CENPM: variants seen among roughly 807,000 people sequenced by gnomAD.
The protein encoded by CENPM is centromere protein M.
Under a neutral mutation model 19.6 loss-of-function variants are expected in CENPM, and 14 were observed. The observed-to-expected ratio is 0.71, with a 90% CI of 0.47 to 1.11. The LOEUF (loss-of-function observed/expected upper bound fraction) is 1.11. Among genes scored for constraint, CENPM ranks in the 50% most tolerant of loss-of-function variants. The probability of loss-of-function intolerance (pLI) is 0.00; values close to 1 mark genes in which losing one functional copy is unlikely to be tolerated. For missense variants in CENPM, 239 were observed against 228.4 expected (o/e 1.05, Z -0.30); for synonymous variants, 114 against 101.5 (o/e 1.12, Z -0.74).
chr22:41,932,649 T>C, the CENPM span, among the ~76,000 whole-genome samples: 1 of 152,162 alleles, frequency 6.6e-6, no homozygotes, highest in East Asian at 1.9e-4. This position sits in a 1 kb window ranked among gnomAD's most constrained non-coding sequence, Gnocchi z 4.3. Context: ...GGGCCCTCCA[T>C]GTGAGACTAG....
intron 1 of CENPM, 29 bp downstream of exon 1, chr22:41,946,991 G>A: frequency 6.2e-7 from 1 of 1,611,118 alleles, no homozygotes; most frequent in Non-Finnish European, 8.5e-7. Context: ...GGAAAAACCG[G>A]CGGGGGAAGC....
intron 5 of CENPM, 92 bp downstream of exon 5, chr22:41,943,518 T>C: frequency 8.9e-7 from 1 of 1,123,606 alleles, no homozygotes; most frequent in South Asian, 1.5e-5. Flanking sequence ...TACTAAGTCC[T>C]TCGATAAGCA....
At chr22:41,945,028 C>T in intron 4 of CENPM, 197 bp downstream of exon 4, 1 of 1,390,614 alleles carries the variant, frequency 7.2e-7, no homozygotes, top group Non-Finnish European at 9.5e-7. Flanking sequence ...TCATTGTCAC[C>T]CAGGTATTAA....
intron 3 of CENPM, 115 bp from the exon 4 acceptor site, chr22:41,945,419 C>T: frequency 1.4e-6 from 2 of 1,460,780 alleles, no homozygotes; most frequent in Admixed American, 2.6e-5. Context: ...AAGAGGGTGA[C>T]TTTCTCTGGA....
Position 41,938,758 on chromosome 22 carries a change from C to T in CENPM, c.*298G>A. ...CCAGTGATTTTTAAACTTTTTTTAG[C>T]CACAGACCTTTTGTTCAAAGGAAAC... On this transcript the variant is annotated 3_prime_UTR_variant, in exon 6 of 6. Transcript: ENST00000215980. 1 of 336,322 alleles carries T rather than the reference C, an allele frequency of 3.0e-6. No individual in the cohort carries two copies. Among genetic ancestry groups the T allele is most frequent in the African/African-American group, 2.1e-5 (1 of 47,612 alleles). The allele number at this position is 336,322 out of a possible 1,614,324, so 20.8% of individuals were successfully genotyped here.
At chr22:41,939,303 G>A in intron 5 of CENPM, 107 bp from the exon 6 acceptor site, 1 of 1,364,326 alleles carries the variant, frequency 7.3e-7, no homozygotes, top group Admixed American at 2.3e-5. Context: ...GATACTTGGG[G>A]GTAGCTCAGG....
At chr22:41,945,450 T>C in intron 3 of CENPM, 146 bp from the exon 4 acceptor site, 1 of 1,126,234 alleles carries the variant, frequency 8.9e-7, no homozygotes, top group Non-Finnish European at 1.2e-6. Context: ...TCCTTTAATT[T>C]TTTTTTTTTT....
chr22:41,933,911 C>A (rs990501507), downstream of CENPM, among the ~76,000 whole-genome samples: 2 of 152,214 alleles, frequency 1.3e-5, no homozygotes, highest in Non-Finnish European at 2.9e-5. Flanking sequence ...AGCCTGCCAG[C>A]CCGTACCGAG....
chr22:41,939,092 C>T lies in CENPM; in HGVS notation c.507G>A (p.Leu169=). The change falls in exon 6 of 6, where the codon CTG becomes CTA. Residue 169 remains leucine, a synonymous_variant. Coordinates refer to ENST00000215980, the MANE Select transcript of CENPM (RefSeq NM_024053.5). ...CCAGGGAGGGGCCCTCAGAGCTTCT[C>T]AGCAGGGACAGCAGGTTCAGAGCTG... The part of the protein sequence containing the change: ...GVSALNLLSL[L]RSSEGPSLED... The T allele has an allele frequency of 1.9e-6, 3 of 1,613,042 alleles. No individual in the cohort carries two copies. Among genetic ancestry groups the T allele is most frequent in the South Asian group, 1.1e-5 (1 of 91,072 alleles).
chr22:41,927,495 G>A, the CENPM span, among the ~76,000 whole-genome samples: 1 of 151,584 alleles, frequency 6.6e-6, no homozygotes, highest in South Asian at 2.1e-4. Flanking sequence ...AGAGCTGGTT[G>A]GGGATATCAG....
chr22:41,935,807 G>C (rs2146596923), downstream of CENPM, among the ~76,000 whole-genome samples: 1 of 152,240 alleles, frequency 6.6e-6, no homozygotes, highest in Middle Eastern at 3.4e-3. Flanking sequence ...GCTGCTTTCT[G>C]GAGCACACGG....
At chr22:41,939,776 A>AAAAAAGAAAGAAAAAGAAAG (rs1219194467) in intron 5 of CENPM, among the ~76,000 whole-genome samples, 6 of 17,986 alleles carry the variant, frequency 3.3e-4, no homozygotes, top group South Asian at 2.0e-3. Flanking sequence ...TGTCTGTCTC[A>AAAAAAGAAAGAAAAAGAAAG]AAAAAGAAAG....
intron 5 of CENPM, among the ~76,000 whole-genome samples, chr22:41,941,897 A>G (rs1230131898): frequency 1.3e-5 from 2 of 152,338 alleles, no homozygotes; most frequent in East Asian, 3.9e-4. Context: ...GACAGTGATG[A>G]GACCTGCCCA....
intron 4 of CENPM, chr22:41,944,538 C>T (rs925281547): frequency 3.4e-5 from 18 of 530,096 alleles, no homozygotes; most frequent in Non-Finnish European, 4.1e-5. Context: ...GCAACTTAAC[C>T]TCATGACTGT....
intron 5 of CENPM, among the ~76,000 whole-genome samples, chr22:41,942,219 G>A (rs1165615272): frequency 6.6e-6 from 1 of 152,248 alleles, no homozygotes; most frequent in Non-Finnish European, 1.5e-5. Flanking sequence ...GTGTGGCAGT[G>A]CGGGCCCTGG....
chr22:41,945,804 C>A (rs1160419508), intron 3 of CENPM, 109 bp downstream of exon 3: 1 of 825,750 alleles, frequency 1.2e-6, no homozygotes, highest in Non-Finnish European at 1.9e-6. Flanking sequence ...TTGACCTCAG[C>A]CAGCCTCTCC....
chr22:41,945,070 T>A, intron 4 of CENPM, 155 bp downstream of exon 4: 1 of 1,504,958 alleles, frequency 6.6e-7, no homozygotes, highest in Non-Finnish European at 8.9e-7. Context: ...TTTCCAGATC[T>A]TCTCCTTCTT....
Position 41,939,036 on chromosome 22 carries a change from A to T in CENPM, c.*20T>A. On this transcript the variant is annotated 3_prime_UTR_variant, in exon 6 of 6. Coordinates refer to ENST00000215980, the MANE Select transcript of CENPM (RefSeq NM_024053.5). ...TCAGCACGAAGCCATGAGAAGGGGC[A>T]GCCCAGGGGCCAGCCACCCTCACAG... 1 of 1,611,662 alleles carries T rather than the reference A, an allele frequency of 6.2e-7. No homozygotes were observed. The highest frequency in any genetic ancestry group is 8.5e-7 in the Non-Finnish European group (1 of 1,179,262).
At chr22:41,938,556 G>A (rs542030244), downstream of CENPM, among the ~76,000 whole-genome samples, 1 of 151,940 alleles carries the variant, frequency 6.6e-6, no homozygotes, top group Non-Finnish European at 1.5e-5. Context: ...GTAGAGACAG[G>A]GATACACCAT....
Sources: allele counts gnomAD v4.1 joint callset (sites outside exome capture counted in the v4.1 genomes callset), GRCh38; gene constraint gnomAD v4.1.1; non-coding constraint Gnocchi (gnomAD v3.1); transcripts MANE v1.5; gene names NCBI Gene and HGNC (gene_info 2026-07-23, HGNC 2026-07-21).